Variants in EXOC4 observed in about 807,000 individuals in gnomAD.
EXOC4 encodes the protein SEC8-like 1.
Under a neutral mutation model 107.2 loss-of-function variants are expected in EXOC4, and 71 were observed. The ratio of observed to expected loss-of-function variants is 0.66; its 90% CI spans 0.55 to 0.81. EXOC4 has a LOEUF of 0.81. Ranked by LOEUF, EXOC4 falls within the 30% of genes least tolerant of loss-of-function variation. The pLI, the probability that EXOC4 is intolerant of heterozygous loss-of-function variation, is 0.00. For missense variants in EXOC4, 1,108 were observed against 1,189.6 expected, an observed-to-expected ratio of 0.93 and a Z score of 1.01; for synonymous variants, 456 against 441.2, an observed-to-expected ratio of 1.03 and a Z score of -0.42.
chr7:133,472,054 G>A (rs1798892457), intron 7 of EXOC4, among the ~76,000 whole-genome samples: 1 of 152,174 alleles, frequency 6.6e-6, no homozygotes, highest in South Asian at 2.1e-4. Context: ...TTCTAGAAAT[G>A]AGAATGCCCA....
intron 7 of EXOC4, among the ~76,000 whole-genome samples, chr7:133,405,336 C>T (rs542585936): frequency 7.2e-5 from 11 of 151,828 alleles, no homozygotes; most frequent in African/African-American, 2.4e-4. Flanking sequence ...ATCATAAAAC[C>T]AATAATAAAT....
chr7:133,446,747 G>T (rs1798230402), intron 7 of EXOC4, among the ~76,000 whole-genome samples: 2 of 152,174 alleles, frequency 1.3e-5, no homozygotes. Flanking sequence ...GCCATGGACT[G>T]GATCTCTGAA....
At chr7:133,825,343 T>G (rs1272204182) in intron 11 of EXOC4, among the ~76,000 whole-genome samples, 3 of 152,094 alleles carry the variant, frequency 2.0e-5, no homozygotes. Context: ...GCAGCCTGAA[T>G]GATAGAGTGA....
At chr7:133,606,279 G>A (rs1246202616) in intron 9 of EXOC4, among the ~76,000 whole-genome samples, 1 of 151,752 alleles carries the variant, frequency 6.6e-6, no homozygotes, top group Non-Finnish European at 1.5e-5. Context: ...AGAGTCCAGG[G>A]TTCACTAGTT....
intron 7 of EXOC4, among the ~76,000 whole-genome samples, chr7:133,474,037 C>T (rs905664588): frequency 2.6e-5 from 4 of 152,020 alleles, no homozygotes; most frequent in African/African-American, 9.7e-5. Flanking sequence ...CATTCAGCTA[C>T]TGTGTGTGTT....
chr7:133,289,257 G>T, intron 3 of EXOC4, 141 bp downstream of exon 3: 1 of 646,542 alleles, frequency 1.5e-6, no homozygotes, highest in Non-Finnish European at 2.6e-6. Flanking sequence ...GTGAAGCCTG[G>T]GTATTTCTCT....
At chr7:133,834,967 G>A (rs1209557711) in intron 11 of EXOC4, among the ~76,000 whole-genome samples, 1 of 152,024 alleles carries the variant, frequency 6.6e-6, no homozygotes, top group Admixed American at 6.6e-5. Flanking sequence ...TTTTAGAAAT[G>A]GGAATCTCCC....
At chr7:133,568,818 C>T (rs1399606459) in intron 9 of EXOC4, among the ~76,000 whole-genome samples, 2 of 152,068 alleles carry the variant, frequency 1.3e-5, no homozygotes, top group East Asian at 1.9e-4. Flanking sequence ...AATATTTATA[C>T]CACACTCATT....
At chr7:134,063,230 C>T (rs867131513) in intron 17 of EXOC4, among the ~76,000 whole-genome samples, 57 of 152,166 alleles carry the variant, frequency 3.7e-4, no homozygotes, top group African/African-American at 1.4e-3. Context: ...CTCTTCCCTC[C>T]AACTAGAATT....
chr7:133,897,751 A>T (rs1799352637), intron 12 of EXOC4, among the ~76,000 whole-genome samples: 2 of 27,324 alleles, frequency 7.3e-5, no homozygotes, highest in Admixed American at 4.0e-4. Flanking sequence ...ATAATGAGCT[A>T]CAATTGGATG....
intron 10 of EXOC4, among the ~76,000 whole-genome samples, chr7:133,697,942 A>G (rs916405263): frequency 2.6e-5 from 4 of 152,206 alleles, no homozygotes; most frequent in African/African-American, 9.6e-5. Context: ...TTACTCAGAA[A>G]GGACTCAGAG....
chr7:133,857,798 C>A (rs1798449685), intron 11 of EXOC4, among the ~76,000 whole-genome samples: 1 of 152,114 alleles, frequency 6.6e-6, no homozygotes, highest in Admixed American at 6.5e-5. Flanking sequence ...AACCACAGAG[C>A]CCCAAGGGGT....
chr7:134,068,618 T>C (rs373413735), downstream of EXOC4, among the ~76,000 whole-genome samples: 259 of 152,336 alleles, frequency 1.7e-3, no homozygotes, highest in Middle Eastern at 0.01. Context: ...CCTTAGGTAC[T>C]ATTACTTCTA....
chr7:133,848,364 C>T (rs189830261), intron 11 of EXOC4, among the ~76,000 whole-genome samples: 2 of 152,230 alleles, frequency 1.3e-5, no homozygotes, highest in East Asian at 3.9e-4. Flanking sequence ...GGTTTCCCTC[C>T]CATCTAAGTG....
intron 11 of EXOC4, among the ~76,000 whole-genome samples, chr7:133,829,812 G>A (rs907165184): frequency 6.6e-6 from 1 of 152,164 alleles, no homozygotes; most frequent in African/African-American, 2.4e-5. Flanking sequence ...AGCTCTGTCA[G>A]TTAAAGTCCT....
At chr7:134,056,467 G>A (rs888580628) in intron 17 of EXOC4, among the ~76,000 whole-genome samples, 1 of 152,130 alleles carries the variant, frequency 6.6e-6, no homozygotes, top group Non-Finnish European at 1.5e-5. Flanking sequence ...GAATTGCCTT[G>A]GCAAGTGCAA....
At chr7:133,605,400 C>G (rs755763509) in intron 9 of EXOC4, among the ~76,000 whole-genome samples, 12 of 152,148 alleles carry the variant, frequency 7.9e-5, no homozygotes, top group Non-Finnish European at 1.0e-4. Context: ...TTAATAGTCA[C>G]TCTGCATCCC....
At chr7:133,791,419 C>T (rs1796701362) in intron 10 of EXOC4, among the ~76,000 whole-genome samples, 1 of 152,108 alleles carries the variant, frequency 6.6e-6, no homozygotes, top group Non-Finnish European at 1.5e-5. Context: ...GTGTCCATAG[C>T]GCTCATGAAT....
At chr7:133,387,199 C>T (rs1205795727) in intron 7 of EXOC4, among the ~76,000 whole-genome samples, 4 of 152,140 alleles carry the variant, frequency 2.6e-5, no homozygotes, top group African/African-American at 9.7e-5. Context: ...ATACTAAAAT[C>T]AAATCCATTA....
Sources: gnomAD v4.1 joint callset for allele counts (sites outside exome capture counted in the v4.1 genomes callset) on GRCh38, gnomAD v4.1.1 for gene constraint, MANE v1.5 for transcripts, NCBI Gene and HGNC (gene_info 2026-07-23, HGNC 2026-07-21) for gene names.